The following PIP5K1B variants were observed in gnomAD, a reference collection of about 807,000 sequenced individuals.
PIP5K1B encodes the protein phosphatidylinositol 4-phosphate 5-kinase type-1 beta.
In PIP5K1B, 42 loss-of-function variants were observed where a neutral mutation model predicts 67.0. That is an observed-to-expected ratio of 0.63 (90% CI 0.49 to 0.81). PIP5K1B has a LOEUF of 0.81. Among genes scored for constraint, PIP5K1B ranks in the 30% least tolerant of loss-of-function variants. The pLI, the probability that PIP5K1B is intolerant of heterozygous loss-of-function variation, is 0.00. For synonymous variants in PIP5K1B, 214 were observed against 231.4 expected (o/e 0.92, Z 0.68); for missense variants, 459 against 646.3 (o/e 0.71, Z 3.14).
At chr9:68,975,860 T>A (rs912915100) in intron 14 of PIP5K1B, among the ~76,000 whole-genome samples, 1 of 152,186 alleles carries the variant, frequency 6.6e-6, no homozygotes, top group African/African-American at 2.4e-5. Context: ...ATGTCCAAAC[T>A]TCCCCTTTTT....
At chr9:69,002,356 G>A (rs115855435) in intron 15 of PIP5K1B, among the ~76,000 whole-genome samples, 2 of 152,292 alleles carry the variant, frequency 1.3e-5, no homozygotes, top group East Asian at 1.9e-4. Context: ...ATTTGGATCT[G>A]AGCGTGCCTA....
At chr9:68,716,918 A>T (rs1827661930) in intron 1 of PIP5K1B, among the ~76,000 whole-genome samples, 1 of 152,212 alleles carries the variant, frequency 6.6e-6, no homozygotes, top group Admixed American at 6.5e-5. Context: ...CATAAGAAAG[A>T]ACAAAATCAT....
rs554328057 is a variant in PIP5K1B at position 68,843,228 on chromosome 9, G to T, written c.69+20545G>T. Reference sequence around the variant, plus strand: ...GAACCCTATGCCAGGGGAGGAATTGGGCCTCAGCATGGACAAGTCTTGGCA... The same window carrying T: ...GAACCCTATGCCAGGGGAGGAATTGTGCCTCAGCATGGACAAGTCTTGGCA... On this transcript the variant is annotated intron_variant, in intron 4 of 15. Coordinates refer to ENST00000265382, the MANE Select transcript of PIP5K1B (RefSeq NM_003558.4). 2.6e-5 allele frequency: 4 copies of T among 152,278 alleles called. No homozygotes were observed. The East Asian group carries it at 7.7e-4, about 29-fold the overall frequency. The allele number at this position is 152,278 out of a possible 1,614,324, so 9.4% of individuals were successfully genotyped here. A position where few individuals can be genotyped will look rare whatever the true frequency, so the allele number is the denominator to read the frequency against.
chr9:68,807,309 T>C (rs1193923384), intron 2 of PIP5K1B, among the ~76,000 whole-genome samples: 1 of 152,252 alleles, frequency 6.6e-6, no homozygotes, highest in Non-Finnish European at 1.5e-5. Flanking sequence ...ACCACTTTCA[T>C]TGCTTGTTAC....
intron 4 of PIP5K1B, among the ~76,000 whole-genome samples, chr9:68,849,445 A>G (rs566011310): frequency 1.2e-4 from 19 of 152,278 alleles, no homozygotes; most frequent in African/African-American, 3.9e-4. Flanking sequence ...CAGCGGTACG[A>G]TCTCAGCTCA....
At chr9:68,794,390 T>TTTTCTTTCTTTC (rs141128949) in intron 2 of PIP5K1B, among the ~76,000 whole-genome samples, 6 of 150,656 alleles carry the variant, frequency 4.0e-5, no homozygotes, top group African/African-American at 1.5e-4. Flanking sequence ...TGACAGTTTC[T>TTTTCTTTCTTTC]TTTCTTTCTT....
At chr9:68,947,557 G>A (rs919104172) in intron 14 of PIP5K1B, among the ~76,000 whole-genome samples, 5 of 152,148 alleles carry the variant, frequency 3.3e-5, no homozygotes, top group African/African-American at 1.2e-4. Flanking sequence ...ACAACACATG[G>A]AGCAAAAGCT....
At chr9:68,780,400 G>C in intron 2 of PIP5K1B, 4 of 1,613,876 alleles carry the variant, frequency 2.5e-6, no homozygotes, top group Non-Finnish European at 3.4e-6. Flanking sequence ...TCCCCTGTCC[G>C]CATGCACAGC....
At chr9:68,932,047 T>C (rs1362000170) in intron 12 of PIP5K1B, among the ~76,000 whole-genome samples, 1 of 152,196 alleles carries the variant, frequency 6.6e-6, no homozygotes, top group Non-Finnish European at 1.5e-5. Flanking sequence ...TTTCCGGTCT[T>C]CTCTGCTCCT....
intron 4 of PIP5K1B, among the ~76,000 whole-genome samples, chr9:68,849,505 C>G (rs1376756292): frequency 2.0e-5 from 3 of 152,154 alleles, no homozygotes; most frequent in South Asian, 2.1e-4. Flanking sequence ...CTCAGCCTCC[C>G]CAGGCAAGAG....
intron 4 of PIP5K1B, chr9:68,843,060 A>G (rs1821999465): frequency 6.6e-6 from 1 of 152,208 alleles, no homozygotes; most frequent in Non-Finnish European, 1.5e-5. Flanking sequence ...CCTATGGTTG[A>G]GGATTTTTAT....
chr9:68,767,134 T>C (rs1830464617), intron 2 of PIP5K1B, among the ~76,000 whole-genome samples: 1 of 152,232 alleles, frequency 6.6e-6, no homozygotes, highest in South Asian at 2.1e-4. Context: ...TTCAACTTTT[T>C]CTAAGTATAG....
chr9:68,792,754 C>G (rs548026794), intron 2 of PIP5K1B, among the ~76,000 whole-genome samples: 15 of 152,302 alleles, frequency 9.8e-5, no homozygotes, highest in Admixed American at 9.1e-4. Context: ...GCTGGGATTA[C>G]AGGCGTGAGC....
At chr9:68,718,497 C>T (rs939653995) in intron 1 of PIP5K1B, among the ~76,000 whole-genome samples, 1 of 152,178 alleles carries the variant, frequency 6.6e-6, no homozygotes, top group African/African-American at 2.4e-5. Context: ...TGCTCATTTT[C>T]ATTGGCCACT....
intron 1 of PIP5K1B, among the ~76,000 whole-genome samples, chr9:68,740,380 A>G (rs1828945823): frequency 6.6e-6 from 1 of 152,268 alleles, no homozygotes; most frequent in Admixed American, 6.5e-5. Context: ...GTTCTAATAC[A>G]GTATGATACA....
chr9:69,008,591 T>C lies in PIP5K1B; in HGVS notation c.*142T>C, dbSNP rs530074359. On this transcript the variant is annotated 3_prime_UTR_variant, in exon 16 of 16. Coordinates refer to ENST00000265382, the MANE Select transcript of PIP5K1B (RefSeq NM_003558.4). ...AAATCATCAACCTGACTTAAGAGTTTTCAAGATGTCAACTTCAGGCTGATC... is the reference window on the plus strand; with the variant it reads ...AAATCATCAACCTGACTTAAGAGTTCTCAAGATGTCAACTTCAGGCTGATC... 123 of 795,718 alleles carry C rather than the reference T, an allele frequency of 1.5e-4. No homozygotes were observed. Among genetic ancestry groups the C allele is most frequent in the South Asian group, 1.3e-3 (95 of 70,792 alleles). The allele number at this position is 795,718 out of a possible 1,614,324, so 49.3% of individuals were successfully genotyped here.
At chr9:68,961,330 T>C (rs1425746908) in intron 14 of PIP5K1B, among the ~76,000 whole-genome samples, 1 of 152,206 alleles carries the variant, frequency 6.6e-6, no homozygotes, top group African/African-American at 2.4e-5. Context: ...TGAGCACAAT[T>C]TTCTTCTCGA....
chr9:68,977,437 C>T (rs529355968), intron 14 of PIP5K1B, among the ~76,000 whole-genome samples: 2 of 152,254 alleles, frequency 1.3e-5, no homozygotes, highest in East Asian at 1.9e-4. Context: ...GCACAAACAT[C>T]GCTTGAACCC....
At chr9:68,916,683 C>A (rs12336788) in intron 8 of PIP5K1B, among the ~76,000 whole-genome samples, 13,028 of 151,926 alleles carry the variant, frequency 0.086, 1,165 homozygotes, top group African/African-American at 0.23. Context: ...ACCAGCCTGG[C>A]CAACATGGTG....
Sources: gnomAD v4.1 joint callset for allele counts (sites outside exome capture counted in the v4.1 genomes callset) on GRCh38, gnomAD v4.1.1 for gene constraint, MANE v1.5 for transcripts, NCBI Gene and HGNC (gene_info 2026-07-23, HGNC 2026-07-21) for gene names.